LAMB4: variants seen among roughly 807,000 people sequenced by gnomAD.
LAMB4 encodes laminin subunit beta-4.
LAMB4 carries 196 observed loss-of-function variants against 199.2 expected under a neutral mutation model. The observed-to-expected ratio is 0.98, with a 90% CI of 0.88 to 1.11. The LOEUF (loss-of-function observed/expected upper bound fraction) is 1.11. Ranked by LOEUF, LAMB4 falls within the 50% of genes least tolerant of loss-of-function variation. The pLI is 0.00. For missense variants in LAMB4, 2,080 were observed against 2,171.2 expected, an observed-to-expected ratio of 0.96 and a Z score of 0.83; for synonymous variants, 744 against 770.6, an observed-to-expected ratio of 0.97 and a Z score of 0.57.
At chr7:108,052,299 C>A in intron 25 of LAMB4, 42 bp from the exon 26 acceptor site, 1 of 1,444,080 alleles carries the variant, frequency 6.9e-7, no homozygotes, top group Non-Finnish European at 9.2e-7. Context: ...GCTTGTATTA[C>A]ATTTGATATA....
Position 108,104,545 on chromosome 7 carries a change from A to C in LAMB4, c.945T>G (p.Asp315Glu). ...NCERCKDFFQ[D>E]APWRPAADLQ... ...GGTCTGCAGCTGGCCTCCAAGGAGC[A>C]TCCTGGAAGAAGTCCTTGCATCTCT... The change falls in exon 9 of 34, where the codon GAT (aspartate) becomes GAG (glutamate). Residue 315 changes from aspartate (D) to glutamate (E), a missense_variant. Physicochemically the swap from Asp to Glu is conservative, Grantham distance 45. Transcript: ENST00000388781. 1 of 1,614,240 alleles carries C rather than the reference A, an allele frequency of 6.2e-7. No individual in the cohort carries two copies. The highest frequency in any genetic ancestry group is 8.5e-7 in the Non-Finnish European group (1 of 1,180,030).
At chr7:108,034,466 TAC>T in intron 30 of LAMB4, 120 bp from the exon 31 acceptor site, 2 of 766,478 alleles carry the variant, frequency 2.6e-6, no homozygotes, top group Non-Finnish European at 4.2e-6. Flanking sequence ...AAATTTAAAT[TAC>T]TCTTAAACAA....
intron 23 of LAMB4, among the ~76,000 whole-genome samples, chr7:108,058,707 C>G (rs898218930): frequency 1.3e-5 from 2 of 152,076 alleles, no homozygotes; most frequent in African/African-American, 4.8e-5. Context: ...CCAGGCTGTA[C>G]GGCAGTGGTG....
At chr7:108,042,199 G>T (rs1209329060) in intron 29 of LAMB4, among the ~76,000 whole-genome samples, 3 of 152,078 alleles carry the variant, frequency 2.0e-5, no homozygotes, top group Non-Finnish European at 1.5e-5. Context: ...TGGTCACCAG[G>T]GCTCTAGGGA....
intron 23 of LAMB4, among the ~76,000 whole-genome samples, chr7:108,061,739 CAAAA>C (rs60564725): frequency 4.0e-5 from 3 of 74,338 alleles, no homozygotes; most frequent in Admixed American, 1.6e-4. Flanking sequence ...ACTCTTGTCT[CAAAA>C]AAAAAAAAAA....
At chr7:108,057,035 A>G (rs1437071399) in intron 24 of LAMB4, among the ~76,000 whole-genome samples, 1 of 152,006 alleles carries the variant, frequency 6.6e-6, no homozygotes, top group Non-Finnish European at 1.5e-5. Flanking sequence ...ACAAATAAAA[A>G]CTAGTTAACA....
chr7:108,063,064 A>G (rs1253252856), intron 22 of LAMB4, 70 bp from the exon 23 acceptor site: 3 of 969,216 alleles, frequency 3.1e-6, no homozygotes, highest in Non-Finnish European at 4.5e-6. Context: ...CCATACAAAC[A>G]GCGTTTTAGA....
At chr7:108,111,970 T>TA in intron 3 of LAMB4, 24 bp from the exon 4 acceptor site, 1 of 1,571,046 alleles carries the variant, frequency 6.4e-7, no homozygotes, top group Non-Finnish European at 8.6e-7. Context: ...TTATTAAAAT[T>TA]AAAAATAAAA....
intron 1 of LAMB4, among the ~76,000 whole-genome samples, chr7:108,126,521 C>A (rs1298176144): frequency 6.9e-6 from 1 of 144,452 alleles, no homozygotes. Flanking sequence ...CCTAAAGGTT[C>A]ATCCATGTTG....
intron 16 of LAMB4, among the ~76,000 whole-genome samples, chr7:108,077,958 A>T (rs2036768695): frequency 6.6e-6 from 1 of 152,208 alleles, no homozygotes; most frequent in Non-Finnish European, 1.5e-5. Context: ...TAAGTCTTTT[A>T]AGTACTCTCC....
intron 3 of LAMB4, among the ~76,000 whole-genome samples, chr7:108,114,020 A>G (rs1379151877): frequency 1.3e-5 from 2 of 152,184 alleles, no homozygotes; most frequent in African/African-American, 4.8e-5. Context: ...AGTTACTTCT[A>G]TTTTTGGTGG....
At chr7:108,016,275 A>ATTTTTTTT in the LAMB4 span, among the ~76,000 whole-genome samples, 1 of 97,834 alleles carries the variant, frequency 1.0e-5, no homozygotes, top group Non-Finnish European at 1.9e-5. Context: ...GCATTTTGGA[A>ATTTTTTTT]TTTTTTTTTT....
Position 108,023,886 on chromosome 7 carries a change from C to T in LAMB4, c.*153G>A, listed in dbSNP as rs1308283001. ...GGCATTTTCCTGGTGGCATTTCAAC[C>T]TCCAGCCACACTGAGCAGGTGTCTA... On this transcript the variant is annotated 3_prime_UTR_variant, in exon 34 of 34. Coordinates refer to ENST00000388781, the MANE Select transcript of LAMB4 (RefSeq NM_007356.3). 6.4e-6 allele frequency: 3 copies of T among 467,070 alleles called. No individual in the cohort carries two copies. Among genetic ancestry groups the T allele is most frequent in the African/African-American group, 6.0e-5 (3 of 49,590 alleles). The allele number at this position is 467,070 out of a possible 1,614,324, so 28.9% of individuals were successfully genotyped here. A position where few individuals can be genotyped will look rare whatever the true frequency, so the allele number is the denominator to read the frequency against.
At chr7:108,124,374 A>G (rs2038704301) in intron 1 of LAMB4, among the ~76,000 whole-genome samples, 1 of 152,188 alleles carries the variant, frequency 6.6e-6, no homozygotes, top group Non-Finnish European at 1.5e-5. Flanking sequence ...TTATAGCCTT[A>G]TTCACTATGA....
chr7:108,108,910 G>T (rs1383711534), intron 5 of LAMB4, among the ~76,000 whole-genome samples: 1 of 151,068 alleles, frequency 6.6e-6, no homozygotes, highest in Non-Finnish European at 1.5e-5. Flanking sequence ...AGTTCTTATG[G>T]TTCCTATCAC....
At chr7:108,111,511 T>A (rs922972056) in intron 4 of LAMB4, among the ~76,000 whole-genome samples, 2 of 152,260 alleles carry the variant, frequency 1.3e-5, no homozygotes, top group Non-Finnish European at 2.9e-5. Flanking sequence ...TCATAAACTT[T>A]CTTCTTATTA....
At chr7:108,112,750 C>T (rs2038276127) in intron 3 of LAMB4, among the ~76,000 whole-genome samples, 2 of 152,196 alleles carry the variant, frequency 1.3e-5, no homozygotes. Context: ...CTGGCTAATA[C>T]TCAGAGGACT....
chr7:108,121,090 C>T (rs998638154), intron 2 of LAMB4, among the ~76,000 whole-genome samples: 7 of 152,106 alleles, frequency 4.6e-5, no homozygotes, highest in East Asian at 1.9e-4. Context: ...ACATTAGCAA[C>T]GGGTTGGAAT....
intron 17 of LAMB4, among the ~76,000 whole-genome samples, chr7:108,076,101 A>G (rs2036691583): frequency 1.3e-5 from 2 of 152,288 alleles, no homozygotes; most frequent in South Asian, 2.1e-4. Flanking sequence ...TAGTAGTAAT[A>G]TATATCAAAT....
Sources: gnomAD v4.1 joint callset for allele counts (sites outside exome capture counted in the v4.1 genomes callset) on GRCh38, gnomAD v4.1.1 for gene constraint, MANE v1.5 for transcripts, NCBI Gene and HGNC (gene_info 2026-07-23, HGNC 2026-07-21) for gene names.